The following RBFOX1 variants were observed in gnomAD, a reference collection of about 807,000 sequenced individuals.
The protein encoded by RBFOX1 is RNA binding fox-1 homolog 1, also known as RNA binding protein fox-1 homolog 1.
A neutral mutation model predicts 57.7 loss-of-function variants in RBFOX1; 8 were observed. That is an observed-to-expected ratio of 0.14 (90% CI 0.08 to 0.25). The LOEUF is 0.25. Among genes scored for constraint, RBFOX1 ranks in the 10% least tolerant of loss-of-function variants. The pLI is 1.00. For synonymous variants in RBFOX1, 326 were observed against 222.4 expected, an observed-to-expected ratio of 1.47 and a Z score of -4.15; for missense variants, 611 against 548.5, an observed-to-expected ratio of 1.11 and a Z score of -1.14.
At chr16:6,747,145 C>G (rs918214519) in intron 3 of RBFOX1, among the ~76,000 whole-genome samples, 1 of 152,148 alleles carries the variant, frequency 6.6e-6, no homozygotes. Context: ...CGCAGTGGCT[C>G]ACGCCTATAA....
At chr16:7,528,020 A>G (rs555987609) in intron 5 of RBFOX1, among the ~76,000 whole-genome samples, 1 of 152,226 alleles carries the variant, frequency 6.6e-6, no homozygotes, top group Non-Finnish European at 1.5e-5. Context: ...ACAAACTATC[A>G]GTACAAGCTG....
rs534930959 is a variant in RBFOX1 at position 7,526,968 on chromosome 16, T to G, written c.270+8579T>G. 7.2e-5 allele frequency among the ~76,000 whole-genome samples: 11 copies of G among 152,290 alleles called. No homozygotes were observed. The South Asian group carries it at 2.3e-3, about 32-fold the overall frequency. On this transcript the variant is annotated intron_variant, in intron 5 of 15. Coordinates refer to ENST00000550418, the MANE Select transcript of RBFOX1 (RefSeq NM_018723.4). ...ACACTGGCCTCTTTTCTAAATAGGT[T>G]GCTGTTGCAGAAAGGAATTACTCAT...
intron 1 of RBFOX1, among the ~76,000 whole-genome samples, chr16:6,273,953 A>G (rs1210691473): frequency 1.3e-5 from 2 of 152,188 alleles, no homozygotes; most frequent in Admixed American, 6.5e-5. Context: ...GATGGTCTAC[A>G]TCATTAACCA....
intron 3 of RBFOX1, among the ~76,000 whole-genome samples, chr16:5,615,194 C>T (rs1454361792): frequency 2.0e-5 from 3 of 152,168 alleles, no homozygotes; most frequent in African/African-American, 7.2e-5. Context: ...GCTCCCACAT[C>T]TGGCTATCTT....
chr16:5,834,785 G>C (rs2056406209), intron 3 of RBFOX1, among the ~76,000 whole-genome samples: 1 of 114,512 alleles, frequency 8.7e-6, no homozygotes, highest in African/African-American at 4.7e-5. Flanking sequence ...ATGATAGATA[G>C]ATAGATAGAT....
intron 11 of RBFOX1, among the ~76,000 whole-genome samples, chr16:7,646,611 C>T (rs192654877): frequency 6.6e-6 from 1 of 152,198 alleles, no homozygotes; most frequent in Non-Finnish European, 1.5e-5. Flanking sequence ...CAGTCTCATG[C>T]AAATTCAAAC....
At chr16:5,327,600 T>A (rs1296785498) in intron 1 of RBFOX1, among the ~76,000 whole-genome samples, 1 of 152,154 alleles carries the variant, frequency 6.6e-6, no homozygotes, top group Admixed American at 6.6e-5. Flanking sequence ...AGGTTTCTGG[T>A]ACCCTGGTTG....
At chr16:6,328,615 C>G (rs951098745) in intron 2 of RBFOX1, among the ~76,000 whole-genome samples, 1 of 152,058 alleles carries the variant, frequency 6.6e-6, no homozygotes, top group African/African-American at 2.4e-5. Flanking sequence ...AAATCTTGGC[C>G]CTCTATTCAC....
At chr16:6,504,409 A>G (rs562753084) in intron 2 of RBFOX1, among the ~76,000 whole-genome samples, 1 of 152,330 alleles carries the variant, frequency 6.6e-6, no homozygotes, top group Non-Finnish European at 1.5e-5. Context: ...TTCTGCTGGC[A>G]CTGGTGTATG....
intron 2 of RBFOX1, among the ~76,000 whole-genome samples, chr16:6,424,327 T>C (rs1019521419): frequency 6.6e-6 from 1 of 152,190 alleles, no homozygotes; most frequent in Non-Finnish European, 1.5e-5. Context: ...GTCTGGCAAC[T>C]TGGAGGACAA....
At chr16:7,210,237 A>G (rs1214107043) in intron 4 of RBFOX1, among the ~76,000 whole-genome samples, 1 of 152,178 alleles carries the variant, frequency 6.6e-6, no homozygotes, top group East Asian at 1.9e-4. Context: ...GATTTATTGC[A>G]AGGGAGTACT....
intron 2 of RBFOX1, among the ~76,000 whole-genome samples, chr16:6,619,037 G>A (rs2098185525): frequency 6.6e-6 from 1 of 152,114 alleles, no homozygotes; most frequent in African/African-American, 2.4e-5. Context: ...AGGGGATCAG[G>A]GAGAAGAGTG....
intron 3 of RBFOX1, among the ~76,000 whole-genome samples, chr16:6,853,478 C>G (rs1185839982): frequency 6.6e-6 from 1 of 152,046 alleles, no homozygotes; most frequent in East Asian, 1.9e-4. Flanking sequence ...AGGATGGTGC[C>G]TACAGTGTGG....
intron 4 of RBFOX1, chr16:7,328,541 C>G (rs1315492127): frequency 2.0e-5 from 3 of 147,002 alleles, no homozygotes; most frequent in South Asian, 2.2e-4. Flanking sequence ...ACAGCCAGAG[C>G]TAAAATGCCT....
chr16:6,644,313 A>G, intron 2 of RBFOX1, among the ~76,000 whole-genome samples: 1 of 152,366 alleles, frequency 6.6e-6, no homozygotes, highest in Admixed American at 6.5e-5. Flanking sequence ...TGTTGAGTCA[A>G]GATTTAAAAT....
intron 1 of RBFOX1, among the ~76,000 whole-genome samples, chr16:6,179,775 A>C (rs2097047876): frequency 6.6e-6 from 1 of 152,208 alleles, no homozygotes; most frequent in African/African-American, 2.4e-5. Flanking sequence ...AGATCAAAAC[A>C]CATTATCTTT....
chr16:6,632,461 T>G (rs1313921506), intron 2 of RBFOX1, among the ~76,000 whole-genome samples: 1 of 152,192 alleles, frequency 6.6e-6, no homozygotes, highest in Non-Finnish European at 1.5e-5. Flanking sequence ...ATGAGGATAG[T>G]GTTACAGTAT....
chr16:6,329,954 A>G (rs973145789), intron 2 of RBFOX1, among the ~76,000 whole-genome samples: 1 of 152,086 alleles, frequency 6.6e-6, no homozygotes, highest in African/African-American at 2.4e-5. Flanking sequence ...AATAACAACA[A>G]CAAAAACAAA....
At chr16:6,661,155 A>G (rs1033361828) in intron 3 of RBFOX1, among the ~76,000 whole-genome samples, 1 of 152,206 alleles carries the variant, frequency 6.6e-6, no homozygotes, top group Non-Finnish European at 1.5e-5. Flanking sequence ...TTTTCCTGTA[A>G]TACCACTGAT....
Sources: gnomAD v4.1 joint callset for allele counts (sites outside exome capture counted in the v4.1 genomes callset) on GRCh38, gnomAD v4.1.1 for gene constraint, MANE v1.5 for transcripts, NCBI Gene and HGNC (gene_info 2026-07-23, HGNC 2026-07-21) for gene names.